FADS3: variants seen among roughly 807,000 people sequenced by gnomAD.
FADS3 encodes fatty acid desaturase 3.
In FADS3, 30 loss-of-function variants were observed where a neutral mutation model predicts 60.4. The observed-to-expected ratio is 0.50, with a 90% confidence interval of 0.37 to 0.67. The LOEUF is 0.67. Among genes scored for constraint, FADS3 ranks in the 30% least tolerant of loss-of-function variants. FADS3 has a pLI of 0.00. For synonymous variants in FADS3, 234 were observed against 249.3 expected (o/e 0.94, Z 0.58); for missense variants, 432 against 598.3 (o/e 0.72, Z 2.90).
chr11:61,889,804 C>T (rs1464811943), intron 1 of FADS3, among the ~76,000 whole-genome samples: 2 of 151,990 alleles, frequency 1.3e-5, no homozygotes, highest in Admixed American at 1.3e-4. Context: ...GAGACCAGCC[C>T]GAGCAACATA....
At chr11:61,878,700 A>G in intron 4 of FADS3, 46 bp downstream of exon 4, 1 of 1,611,774 alleles carries the variant, frequency 6.2e-7, no homozygotes, top group Non-Finnish European at 8.5e-7. Context: ...ACTTGGGCAG[A>G]CCCAGCGCCA....
Position 61,876,155 on chromosome 11 carries a change from G to T in FADS3, c.1116C>A (p.Phe372Leu), listed in dbSNP as rs1195572086. 1 of 1,608,362 alleles carries T rather than the reference G, an allele frequency of 6.2e-7. No homozygotes were observed. Among genetic ancestry groups the T allele is most frequent in the Non-Finnish European group, 8.5e-7 (1 of 1,177,648 alleles). ...TGAGGTGCCCGCTGAACCAGTTGGT[G>T]AAAAGTGAGGGCTCCACGTTGCAGG... ...AATCNVEPSL[F>L]TNWFSGHLNF... Residue 372 changes from phenylalanine to leucine, a missense_variant, in exon 10 of 12, where the codon TTC (phenylalanine) becomes TTA (leucine). Physicochemically the swap from Phe to Leu is conservative, Grantham distance 22. Transcript: ENST00000278829. The surrounding 1 kb of genome is among the most constrained non-coding windows in gnomAD (Gnocchi z 5.7).
Position 61,891,272 on chromosome 11 carries a change from T to A in FADS3, c.110A>T (p.Lys37Met), listed in dbSNP as rs1330524554. 3.2e-6 allele frequency: 5 copies of A among 1,539,208 alleles called. No individual in the cohort carries two copies. Among genetic ancestry groups the A allele is most frequent in the East Asian group, 4.9e-5 (2 of 40,986 alleles). The part of the protein sequence containing the change: ...QIRAHDQPGD[K>M]WLVIERRVYD... ...GACGCGGCGCTCGATGACCAGCCAC[T>A]TGTCGCCGGGCTGGTCGTGCGCGCG... The change falls in exon 1 of 12, where the codon AAG becomes ATG. Residue 37 changes from lysine to methionine, a missense_variant. Around this residue, in one of 5 missense-constraint regions of FADS3, gnomAD observed 167 missense variants for 188.8 expected, o/e 0.88. Transcript: ENST00000278829.
intron 1 of FADS3, among the ~76,000 whole-genome samples, chr11:61,889,518 G>A (rs1346421542): frequency 3.3e-5 from 5 of 152,022 alleles, no homozygotes; most frequent in Admixed American, 6.5e-5. Flanking sequence ...GTGGTGGCGC[G>A]TGCCCGTAAT....
chr11:61,878,328 C>T, intron 5 of FADS3, 113 bp from the exon 6 acceptor site: 1 of 1,379,148 alleles, frequency 7.3e-7, no homozygotes, highest in Non-Finnish European at 1.0e-6. Flanking sequence ...TAGATTCTAG[C>T]AAGCGGGCTG....
intron 1 of FADS3, among the ~76,000 whole-genome samples, chr11:61,883,037 T>A (rs191754236): frequency 1.5e-3 from 229 of 152,336 alleles, no homozygotes; most frequent in African/African-American, 5.2e-3. Context: ...GCCAATTTTT[T>A]AAAAATTGTA....
chr11:61,875,891 C>T lies in FADS3; in HGVS notation c.1246G>A (p.Glu416Lys), dbSNP rs1290183689. Residue 416 changes from glutamate to lysine, a missense_variant, in exon 11 of 12, where the codon GAA (glutamate) becomes AAA (lysine). Glu to Lys is a moderately conservative substitution (Grantham distance 56, BLOSUM62 1). This residue lies in a region of FADS3 where 63 missense variants were observed against 64.5 expected (regional missense o/e 0.98). Coordinates refer to ENST00000278829, the MANE Select transcript of FADS3 (RefSeq NM_021727.5). ...SLCAKHGLSY[E>K]VKPFLTALVD... Reference sequence around the variant, plus strand: ...AGCGCGGTGAGGAAGGGCTTCACTTCGTAGCTGAGGCCGTGCTTGGCACAC... The same window carrying T: ...AGCGCGGTGAGGAAGGGCTTCACTTTGTAGCTGAGGCCGTGCTTGGCACAC... The T allele has an allele frequency of 8.1e-6, 13 of 1,613,670 alleles. No individual in the cohort carries two copies. Among genetic ancestry groups the T allele is most frequent in the African/African-American group, 1.3e-5 (1 of 74,942 alleles).
rs770308115 is a variant in FADS3, at chr11:61,878,199, C to A, written c.764G>T (p.Arg255Leu). Reference sequence around the variant, plus strand: ...CTGCTGGTTGTAGGGTAGGTATCTGCGTTTCTTCTTGCCATACTGTGGAGA... The same window carrying A: ...CTGCTGGTTGTAGGGTAGGTATCTGAGTTTCTTCTTGCCATACTGTGGAGA... ...ESSVEYGKKK[R>L]RYLPYNQQHL... The change falls in exon 6 of 12, where the codon CGC (arginine) becomes CTC (leucine). Residue 255 changes from arginine to leucine, a missense_variant. This residue lies in a region of FADS3 where 116 missense variants were observed against 208.9 expected (regional missense o/e 0.56). Coordinates refer to ENST00000278829, the MANE Select transcript of FADS3 (RefSeq NM_021727.5). 2.5e-6 allele frequency: 4 copies of A among 1,614,152 alleles called. No individual in the cohort carries two copies. Among genetic ancestry groups the A allele is most frequent in the Non-Finnish European group, 3.4e-6 (4 of 1,180,010 alleles).
Position 61,876,201 on chromosome 11 carries a change from C to T in FADS3, c.1081-11G>A, listed in dbSNP as rs766277734. 15 of 1,592,584 alleles carry T rather than the reference C, an allele frequency of 9.4e-6. No homozygotes were observed. The East Asian group carries it at 3.4e-4, about 36-fold the overall frequency. On this transcript the variant is annotated splice_polypyrimidine_tract_variant and intron_variant, in intron 9 of 11. Transcript: ENST00000278829. This position sits in a 1 kb window ranked among gnomAD's most constrained non-coding sequence, Gnocchi z 5.7. ...GCAGGTGGCTGCCAGCTGCCGGAAG[C>T]CGGCGGGGCACATGTGAGGAGGCCG...
chr11:61,878,459 T>TC, intron 5 of FADS3, 53 bp downstream of exon 5: 1 of 1,592,174 alleles, frequency 6.3e-7, no homozygotes, highest in South Asian at 1.1e-5. Context: ...GTGCATTAGC[T>TC]CCCCCTCAGC....
chr11:61,877,522 T>G lies in FADS3; in HGVS notation c.874A>C (p.Met292Leu). Residue 292 changes from methionine to leucine, a missense_variant, in exon 7 of 12, where the codon ATG (methionine) becomes CTG (leucine). By Grantham distance (15) the Met-to-Leu change is conservative. Transcript: ENST00000278829. This position sits in a 1 kb window ranked among gnomAD's most constrained non-coding sequence, Gnocchi z 4.7. ...VENLAYMLVC[M>L]QWADLLWAAS... ...GCAACCCCACTCACCGCCCACTGCA[T>G]GCACACCAGCATGTACGCCAGATTT... The G allele has an allele frequency of 6.2e-7, 1 of 1,613,466 alleles. No individual in the cohort carries two copies. The highest frequency in any genetic ancestry group is 8.5e-7 in the Non-Finnish European group (1 of 1,179,964).
Position 61,876,335 on chromosome 11 carries a change from A to T in FADS3, c.1080+24T>A. 2.1e-6 allele frequency: 3 copies of T among 1,411,522 alleles called. No homozygotes were observed. The highest frequency in any genetic ancestry group is 3.0e-6 in the Non-Finnish European group (3 of 1,000,086). The allele number at this position is 1,411,522 out of a possible 1,614,324, so 87.4% of individuals were successfully genotyped here. ...GCTGGGACCCCCCACCCCACCCAGG[A>T]TGGGCCCCACCCCTGCTGCCCACCT... On this transcript the variant is annotated intron_variant, in intron 9 of 11. Coordinates refer to ENST00000278829, the MANE Select transcript of FADS3 (RefSeq NM_021727.5). This position sits in a 1 kb window ranked among gnomAD's most constrained non-coding sequence, Gnocchi z 5.7.
intron 5 of FADS3, 35 bp downstream of exon 5, chr11:61,878,477 C>T: frequency 6.2e-7 from 1 of 1,605,774 alleles, no homozygotes; most frequent in Non-Finnish European, 8.5e-7. Flanking sequence ...AGCTGCAGGC[C>T]CAGCCAGAGG....
chr11:61,891,755 C>T (rs1428439794), upstream of FADS3: 1 of 152,532 alleles, frequency 6.6e-6, no homozygotes, highest in Non-Finnish European at 1.5e-5. Context: ...GCGGCCGCCA[C>T]CCAGCCCTGC....
chr11:61,881,795 C>T (rs148064708), intron 1 of FADS3: 130 of 152,294 alleles, frequency 8.5e-4, no homozygotes, highest in African/African-American at 3.1e-3. Flanking sequence ...GGTCCCCTTG[C>T]CTGCTTTTAT....
Position 61,873,791 on chromosome 11 carries a change from C to T in FADS3, c.*23G>A. On this transcript the variant is annotated 3_prime_UTR_variant, in exon 12 of 12. Coordinates refer to ENST00000278829, the MANE Select transcript of FADS3 (RefSeq NM_021727.5). ...TTGGTTGCTGGTGCCCTGAGCCCTT[C>T]TCTGCCCGCCTGGGTGTTGCCTTCA... 6.2e-7 allele frequency: 1 copy of T among 1,604,956 alleles called. No homozygotes were observed. The highest frequency in any genetic ancestry group is 2.2e-5 in the East Asian group (1 of 44,574).
chr11:61,879,214 C>T (rs1302638593), intron 3 of FADS3, 98 bp downstream of exon 3: 20 of 1,052,136 alleles, frequency 1.9e-5, no homozygotes, highest in South Asian at 1.4e-4. Context: ...TTCATAGGTC[C>T]ATTCATTCAT....
chr11:61,891,083 G>T, intron 1 of FADS3, 86 bp downstream of exon 1: 2 of 1,168,932 alleles, frequency 1.7e-6, no homozygotes, highest in African/African-American at 1.5e-5. Context: ...GGATGCTAAG[G>T]CCCCACAGGT....
In FADS3 at chr11:61,878,754, G is replaced by A. The variant is rs762134990; in HGVS notation, c.616C>T (p.Gln206Ter). 6.2e-7 allele frequency: 1 copy of A among 1,613,992 alleles called. No homozygotes were observed. The highest frequency in any genetic ancestry group is 8.5e-7 in the Non-Finnish European group (1 of 1,179,926). Residue 206 changes from glutamine (Q) to a stop codon, truncating the protein, a stop_gained, in exon 4 of 12, where the codon CAG becomes TAG. Coordinates refer to ENST00000278829, the MANE Select transcript of FADS3 (RefSeq NM_021727.5). LOFTEE classifies it high-confidence loss of function. ...NHVAQKFVMG[Q>*]LKGFSAHWWN... The stretch of plus-strand genomic sequence containing the variant: ...ACCCACCCCACCCTCACCTTTAGCT[G>A]CCCCATCACGAACTTCTGGGCCACG...
Sources: allele counts gnomAD v4.1 joint callset (sites outside exome capture counted in the v4.1 genomes callset), GRCh38; gene constraint gnomAD v4.1.1; regional missense constraint gnomAD v4.1.1; non-coding constraint Gnocchi (gnomAD v3.1); transcripts MANE v1.5; gene names NCBI Gene and HGNC (gene_info 2026-07-23, HGNC 2026-07-21).